The following PIP4K2A variants were observed in gnomAD, a reference collection of about 807,000 sequenced individuals.
The protein encoded by PIP4K2A is phosphatidylinositol-5-phosphate 4-kinase type 2 alpha.
Under a neutral mutation model 42.9 loss-of-function variants are expected in PIP4K2A, and 14 were observed. The ratio of observed to expected loss-of-function variants is 0.33; its 90% confidence interval spans 0.22 to 0.51. The LOEUF (loss-of-function observed/expected upper bound fraction) is 0.51. Among genes scored for constraint, PIP4K2A ranks in the 20% least tolerant of loss-of-function variants. The probability of loss-of-function intolerance (pLI) is 0.97; values close to 1 mark genes in which losing one functional copy is unlikely to be tolerated. For synonymous variants in PIP4K2A, 192 were observed against 192.2 expected (o/e 1.00, Z 0.01); for missense variants, 434 against 519.8 (o/e 0.83, Z 1.61).
At chr10:22,562,533 A>G (rs1161688529) in intron 6 of PIP4K2A, among the ~76,000 whole-genome samples, 2 of 152,238 alleles carry the variant, frequency 1.3e-5, no homozygotes, top group Non-Finnish European at 2.9e-5. Flanking sequence ...TGGGTGACAG[A>G]GCGAGACTCC....
At chr10:22,568,923 T>A (rs1258809935) in intron 5 of PIP4K2A, 2 of 1,017,822 alleles carry the variant, frequency 2.0e-6, no homozygotes, top group Admixed American at 2.0e-5. Context: ...TATCGTGAGG[T>A]CAGCCAAGCC....
intron 1 of PIP4K2A, among the ~76,000 whole-genome samples, chr10:22,680,579 C>T (rs1177969237): frequency 6.6e-6 from 1 of 152,086 alleles, no homozygotes; most frequent in Non-Finnish European, 1.5e-5. Flanking sequence ...TAGCATACAT[C>T]CCTAGTCCTT....
At chr10:22,706,338 A>G (rs1833821733) in intron 1 of PIP4K2A, among the ~76,000 whole-genome samples, 1 of 152,082 alleles carries the variant, frequency 6.6e-6, no homozygotes, top group Admixed American at 6.5e-5. Context: ...TCCTACCACT[A>G]TATCCCCCTC....
chr10:22,625,552 C>G (rs1460609049), intron 1 of PIP4K2A, among the ~76,000 whole-genome samples: 1 of 152,164 alleles, frequency 6.6e-6, no homozygotes, highest in East Asian at 1.9e-4. Flanking sequence ...ATACACCTAT[C>G]TTTATGCATC....
intron 9 of PIP4K2A, among the ~76,000 whole-genome samples, chr10:22,537,549 T>G (rs1441802329): frequency 6.6e-6 from 1 of 151,988 alleles, no homozygotes; most frequent in Non-Finnish European, 1.5e-5. Flanking sequence ...CTGTTGCAAC[T>G]CACAAAAAAA....
chr10:22,663,273 A>G (rs1004456469), intron 1 of PIP4K2A, among the ~76,000 whole-genome samples: 3 of 152,242 alleles, frequency 2.0e-5, no homozygotes, highest in Non-Finnish European at 4.4e-5. Context: ...ATATTTGCTA[A>G]GGTAGTAAAT....
chr10:22,713,984 C>G (rs1341306842), intron 1 of PIP4K2A, 199 bp downstream of exon 1: 1 of 521,474 alleles, frequency 1.9e-6, no homozygotes, highest in African/African-American at 2.0e-5. Context: ...CTAAAGGGGA[C>G]GCAAGTGGTG....
At chr10:22,670,606 C>T (rs1839429408) in intron 1 of PIP4K2A, among the ~76,000 whole-genome samples, 1 of 152,144 alleles carries the variant, frequency 6.6e-6, no homozygotes, top group African/African-American at 2.4e-5. Flanking sequence ...TTTTGTCTCA[C>T]CCATATCGTC....
At chr10:22,600,781 A>G (rs756720171) in intron 3 of PIP4K2A, among the ~76,000 whole-genome samples, 1 of 152,136 alleles carries the variant, frequency 6.6e-6, no homozygotes, top group Non-Finnish European at 1.5e-5. Context: ...TTGAAGACCA[A>G]TGTGGAACTT....
At chr10:22,692,410 T>C (rs1839891331) in intron 1 of PIP4K2A, among the ~76,000 whole-genome samples, 2 of 152,116 alleles carry the variant, frequency 1.3e-5, no homozygotes, top group Admixed American at 1.3e-4. Flanking sequence ...TAACAGGCCA[T>C]GGACCACTAC....
chr10:22,641,887 G>A (rs1360832422), intron 1 of PIP4K2A: 1 of 152,190 alleles, frequency 6.6e-6, no homozygotes, highest in African/African-American at 2.4e-5. Context: ...CCATCACAGG[G>A]TTCTCTACTC....
intron 1 of PIP4K2A, among the ~76,000 whole-genome samples, chr10:22,643,747 G>A (rs1021189627): frequency 9.2e-5 from 14 of 151,778 alleles, no homozygotes; most frequent in Non-Finnish European, 4.4e-5. Flanking sequence ...TTTCTTCTGC[G>A]CAGGAACCAC....
At position 22,606,354 on chromosome 10, in the gene PIP4K2A, G is replaced by T. The variant is rs549762326; in HGVS notation, c.339+1573C>A. 2.6e-5 allele frequency among the ~76,000 whole-genome samples: 4 copies of T among 152,192 alleles called. No individual in the cohort carries two copies. In the South Asian group the frequency reaches 8.3e-4, roughly 32 times the overall value. ...CCCTAACAGGAGTGTTGGCTCCCAC[G>T]CAGTTTTAATAGCAGATGAGCAACC... On this transcript the variant is annotated intron_variant, in intron 3 of 9. Coordinates refer to ENST00000376573, the MANE Select transcript of PIP4K2A (RefSeq NM_005028.5).
chr10:22,673,174 A>T (rs1044101388), intron 1 of PIP4K2A, among the ~76,000 whole-genome samples: 4 of 152,180 alleles, frequency 2.6e-5, no homozygotes, highest in Non-Finnish European at 4.4e-5. Flanking sequence ...CTCCTCCAGG[A>T]AGTCTTTCCC....
Position 22,536,035 on chromosome 10 carries a change from T to C in PIP4K2A, c.*1166A>G, listed in dbSNP as rs2130726919. ...TATACTGTGACTTTACATGTAAACT[T>C]CAAAAATCACATGCTGTACATCAAA... On this transcript the variant is annotated 3_prime_UTR_variant, in exon 10 of 10. Transcript: ENST00000376573. 1 of 398,406 alleles carries C rather than the reference T, an allele frequency of 2.5e-6. No individual in the cohort carries two copies. The highest frequency in any genetic ancestry group is 2.1e-5 in the African/African-American group (1 of 48,758). The allele number at this position is 398,406 out of a possible 1,614,324, so 24.7% of individuals were successfully genotyped here.
intron 1 of PIP4K2A, among the ~76,000 whole-genome samples, chr10:22,652,072 G>T (rs1436382764): frequency 6.6e-6 from 1 of 151,938 alleles, no homozygotes; most frequent in Non-Finnish European, 1.5e-5. Flanking sequence ...TGCTTAATTT[G>T]TGTTGAATAA....
chr10:22,645,126 A>C (rs1469488700), intron 1 of PIP4K2A, among the ~76,000 whole-genome samples: 1 of 152,228 alleles, frequency 6.6e-6, no homozygotes, highest in Non-Finnish European at 1.5e-5. Context: ...ATCTTTTAAA[A>C]TTTTGATTCT....
At chr10:22,550,950 C>T (rs1178237704) in intron 6 of PIP4K2A, among the ~76,000 whole-genome samples, 178 bp from the exon 7 acceptor site, 1 of 152,166 alleles carries the variant, frequency 6.6e-6, no homozygotes, top group African/African-American at 2.4e-5. Context: ...CACCGGGGGG[C>T]GCCAGTGAGC....
intron 1 of PIP4K2A, among the ~76,000 whole-genome samples, chr10:22,693,502 A>G (rs981218000): frequency 6.6e-6 from 1 of 152,240 alleles, no homozygotes; most frequent in African/African-American, 2.4e-5. Flanking sequence ...TAATAGCTAG[A>G]CAAAGCATGT....
Sources: gnomAD v4.1 joint callset for allele counts (sites outside exome capture counted in the v4.1 genomes callset) on GRCh38, gnomAD v4.1.1 for gene constraint, MANE v1.5 for transcripts, NCBI Gene and HGNC (gene_info 2026-07-23, HGNC 2026-07-21) for gene names.